The following EPHB2 variants were observed in gnomAD, a reference collection of about 807,000 sequenced individuals.
The protein encoded by EPHB2 is EPH receptor B2, also known as ephrin type-B receptor 2.
Under a neutral mutation model 96.4 loss-of-function variants are expected in EPHB2, and 18 were observed. The ratio of observed to expected loss-of-function variants is 0.19; its 90% CI spans 0.13 to 0.28. The LOEUF (loss-of-function observed/expected upper bound fraction) is 0.28. Ranked by LOEUF, EPHB2 falls within the 10% of genes least tolerant of loss-of-function variation. EPHB2 has a pLI of 1.00. For synonymous variants in EPHB2, 506 were observed against 534.1 expected (o/e 0.95, Z 0.72); for missense variants, 989 against 1,355.4 (o/e 0.73, Z 4.25).
chr1:22,814,368 T>C (rs1366016163), intron 3 of EPHB2, among the ~76,000 whole-genome samples: 1 of 152,098 alleles, frequency 6.6e-6, no homozygotes, highest in Non-Finnish European at 1.5e-5. Context: ...ACTGCCCTAA[T>C]GCAAGTCGAC....
chr1:22,904,305 A>AATT (rs1639839038), intron 9 of EPHB2, among the ~76,000 whole-genome samples: 1 of 98,238 alleles, frequency 1.0e-5, no homozygotes, highest in Middle Eastern at 4.2e-3. Flanking sequence ...AAAAAAAAAA[A>AATT]AATTAATTAA....
chr1:22,839,386 G>T (rs1255037792), intron 3 of EPHB2, among the ~76,000 whole-genome samples: 3 of 152,184 alleles, frequency 2.0e-5, no homozygotes, highest in Non-Finnish European at 4.4e-5. Flanking sequence ...ATCTCCATTT[G>T]CTCCTGAAAG....
At chr1:22,719,859 A>G (rs1643402064) in intron 1 of EPHB2, among the ~76,000 whole-genome samples, 1 of 152,214 alleles carries the variant, frequency 6.6e-6, no homozygotes, top group African/African-American at 2.4e-5. Flanking sequence ...ATCTTTAGCA[A>G]GCCACCACAA....
rs557658201 is a variant in EPHB2, at chr1:22,713,410, C to T, written c.61+2367C>T. ...AATATCTTGTAGAGTCCATCGTCTA[C>T]GCCCTACTTCCCCTCTTTGAGCCTC... On this transcript the variant is annotated intron_variant, in intron 1 of 15. Coordinates refer to ENST00000374630, the MANE Select transcript of EPHB2 (RefSeq NM_017449.5). Among the ~76,000 whole-genome samples, 36 of 152,278 alleles carry T rather than the reference C, an allele frequency of 2.4e-4. No individual in the cohort carries two copies. In the East Asian group the frequency reaches 2.5e-3, roughly 11 times the overall value.
intron 6 of EPHB2, among the ~76,000 whole-genome samples, chr1:22,883,756 C>T (rs925176837): frequency 2.0e-5 from 3 of 152,150 alleles, no homozygotes; most frequent in South Asian, 4.1e-4. Flanking sequence ...CTTTGCCGGC[C>T]GTCTTACCAT....
Position 22,864,873 on chromosome 1 carries a change from C to G in EPHB2, c.968-4C>G, listed in dbSNP as rs753436591. On this transcript the variant is annotated splice_polypyrimidine_tract_variant and splice_region_variant and intron_variant, in intron 4 of 15. Coordinates refer to ENST00000374630, the MANE Select transcript of EPHB2 (RefSeq NM_017449.5). ...CACTGACCAACACCTCTCCCCCGCC[C>G]CAGCCATCCCCTCCGCGCCCCAGGC... 1 of 1,601,940 alleles carries G rather than the reference C, an allele frequency of 6.2e-7. No individual in the cohort carries two copies. Among genetic ancestry groups the G allele is most frequent in the South Asian group, 1.1e-5 (1 of 88,754 alleles).
At chr1:22,734,063 A>G (rs1176272590) in intron 1 of EPHB2, among the ~76,000 whole-genome samples, 5 of 152,200 alleles carry the variant, frequency 3.3e-5, no homozygotes, top group African/African-American at 7.2e-5. Context: ...TTCTCAGTCA[A>G]GGACAGAGCT....
chr1:22,730,614 G>A (rs867777948), intron 1 of EPHB2, among the ~76,000 whole-genome samples: 1 of 151,852 alleles, frequency 6.6e-6, no homozygotes, highest in South Asian at 2.1e-4. Flanking sequence ...AGGCCAGAAG[G>A]AAGCAAGAGA....
chr1:22,761,974 G>A (rs1291681990), intron 1 of EPHB2, among the ~76,000 whole-genome samples: 1 of 152,254 alleles, frequency 6.6e-6, no homozygotes. Flanking sequence ...TGAGGGGGCA[G>A]CAAGTCACCA....
At chr1:22,734,130 C>CTA (rs1306733683) in intron 1 of EPHB2, among the ~76,000 whole-genome samples, 4 of 152,210 alleles carry the variant, frequency 2.6e-5, no homozygotes, top group Non-Finnish European at 5.9e-5. Context: ...GCTCATGTCT[C>CTA]TATCAGGCCT....
intron 6 of EPHB2, among the ~76,000 whole-genome samples, chr1:22,887,704 C>T (rs1412442013): frequency 3.9e-5 from 6 of 152,240 alleles, no homozygotes; most frequent in Non-Finnish European, 8.8e-5. Context: ...CCAAAGCACA[C>T]AGGTTCAGGA....
intron 1 of EPHB2, among the ~76,000 whole-genome samples, chr1:22,722,423 A>G (rs1022152379): frequency 3.9e-5 from 6 of 152,208 alleles, no homozygotes; most frequent in Admixed American, 3.9e-4. Flanking sequence ...TTTGGGGTAA[A>G]GAAATAGCAA....
At chr1:22,727,715 G>A (rs530276139) in intron 1 of EPHB2, among the ~76,000 whole-genome samples, 18 of 151,224 alleles carry the variant, frequency 1.2e-4, no homozygotes, top group Admixed American at 6.6e-4. Context: ...TCTAGCTGTG[G>A]AGGCTTGAAC....
intron 9 of EPHB2, among the ~76,000 whole-genome samples, chr1:22,898,384 A>T (rs1218588119): frequency 1.3e-5 from 2 of 152,136 alleles, no homozygotes; most frequent in Non-Finnish European, 2.9e-5. Context: ...TATCTGAGGG[A>T]AAAGCATTCC....
chr1:22,802,818 C>T (rs980862030), intron 3 of EPHB2, among the ~76,000 whole-genome samples: 1 of 152,194 alleles, frequency 6.6e-6, no homozygotes, highest in African/African-American at 2.4e-5. Flanking sequence ...CCAGCAAATG[C>T]CCCTGCCCCT....
At chr1:22,808,810 A>G (rs867430568) in intron 3 of EPHB2, among the ~76,000 whole-genome samples, 1 of 152,206 alleles carries the variant, frequency 6.6e-6, no homozygotes, top group South Asian at 2.1e-4. Flanking sequence ...AACACCACAC[A>G]TCAGTACGGG....
chr1:22,713,847 G>T (rs936939015), intron 1 of EPHB2, among the ~76,000 whole-genome samples: 1 of 152,208 alleles, frequency 6.6e-6, no homozygotes, highest in African/African-American at 2.4e-5. Flanking sequence ...TATACGGGGG[G>T]TTTCTAGGTT....
intron 4 of EPHB2, among the ~76,000 whole-genome samples, chr1:22,864,288 C>T (rs780784325): frequency 2.8e-4 from 43 of 151,878 alleles, no homozygotes; most frequent in Non-Finnish European, 4.0e-4. Context: ...TCAGGTGATC[C>T]GCCTGCCTCG....
Position 22,915,551 on chromosome 1 carries a change from A to T in EPHB2, c.*1981A>T, listed in dbSNP as rs762161382. The T allele has an allele frequency of 5.9e-5, 9 of 152,104 alleles. No homozygotes were observed. Among genetic ancestry groups the T allele is most frequent in the Non-Finnish European group, 1.2e-4 (8 of 68,032 alleles). 9.4% of individuals were successfully genotyped at this position (152,104 alleles called of 1,614,324 possible). A position where few individuals can be genotyped will look rare whatever the true frequency, so the allele number is the denominator to read the frequency against. Reference sequence around the variant, plus strand: ...GGAAGTGAGTTGGAAGTGGCTCAGAACTCAGCCTTCGATGCCCTGGGAATC... The same window carrying T: ...GGAAGTGAGTTGGAAGTGGCTCAGATCTCAGCCTTCGATGCCCTGGGAATC... On this transcript the variant is annotated 3_prime_UTR_variant, in exon 16 of 16. Transcript: ENST00000374630.
Sources: gnomAD v4.1 joint callset for allele counts (sites outside exome capture counted in the v4.1 genomes callset) on GRCh38, gnomAD v4.1.1 for gene constraint, MANE v1.5 for transcripts, NCBI Gene and HGNC (gene_info 2026-07-23, HGNC 2026-07-21) for gene names.